ECE1: variants seen among roughly 807,000 people sequenced by gnomAD.
The protein encoded by ECE1 is endothelin converting enzyme 1.
ECE1 carries 35 observed loss-of-function variants against 98.6 expected under a neutral mutation model. The ratio of observed to expected loss-of-function variants is 0.35; its 90% CI spans 0.27 to 0.47. ECE1 has a LOEUF of 0.47. Ranked by LOEUF, ECE1 falls within the 20% of genes least tolerant of loss-of-function variation. The probability of loss-of-function intolerance (pLI) is 1.00; values close to 1 mark genes in which losing one functional copy is unlikely to be tolerated. For synonymous variants in ECE1, 394 were observed against 407.1 expected (o/e 0.97, Z 0.39); for missense variants, 814 against 1,025.3 (o/e 0.79, Z 2.81).
Position 21,290,376 on chromosome 1 carries a change from C to CAT in ECE1, c.38_39insAT (p.Ser14CysfsTer35). ...GCGCCCGCCTCACCCCCAGCGCCGA[C>CAT]AGCAGGGCGGACACCGGGGGCGGCC... On this transcript the variant is annotated frameshift_variant, in exon 1 of 19. Coordinates refer to ENST00000374893, the MANE Select transcript of ECE1 (RefSeq NM_001397.3). LOFTEE classifies it high-confidence loss of function. This position sits in a 1 kb window ranked among gnomAD's most constrained non-coding sequence, Gnocchi z 7.3. The CAT allele has an allele frequency of 3.2e-6, 4 of 1,235,440 alleles. No homozygotes were observed. The South Asian group carries it at 1.5e-4, about 48-fold the overall frequency. The allele number at this position is 1,235,440 out of a possible 1,614,324, so 76.5% of individuals were successfully genotyped here. A position where few individuals can be genotyped will look rare whatever the true frequency, so the allele number is the denominator to read the frequency against.
At position 21,236,854 on chromosome 1, in the gene ECE1, T is replaced by TA. The variant is rs1389427250; in HGVS notation, c.1390-11dup. ...GGATGATCTCGGTGGCCTGAGGAGA[T>TA]ACACATCACAGCAGTAAGGTCTGCG... On this transcript the variant is annotated splice_polypyrimidine_tract_variant and intron_variant, in intron 11 of 18. Transcript: ENST00000374893. 6.2e-7 allele frequency: 1 copy of TA among 1,610,476 alleles called. No individual in the cohort carries two copies. The highest frequency in any genetic ancestry group is 8.5e-7 in the Non-Finnish European group (1 of 1,178,510).
At chr1:21,224,358 C>T (rs2098171109) in intron 17 of ECE1, among the ~76,000 whole-genome samples, 1 of 152,188 alleles carries the variant, frequency 6.6e-6, no homozygotes, top group Admixed American at 6.6e-5. Flanking sequence ...TCTTCCCCTT[C>T]CAGCCTCCAC....
At chr1:21,239,391 T>C (rs934845993) in intron 10 of ECE1, among the ~76,000 whole-genome samples, 4 of 152,200 alleles carry the variant, frequency 2.6e-5, no homozygotes, top group Admixed American at 6.5e-5. Context: ...GATGTCCTCT[T>C]AACCCCAAAG....
At chr1:21,250,948 A>G (rs1013306422) in intron 8 of ECE1, among the ~76,000 whole-genome samples, 5 of 151,386 alleles carry the variant, frequency 3.3e-5, no homozygotes, top group Non-Finnish European at 7.4e-5. Context: ...CAGAGCTTGC[A>G]GTGAGCGGGG....
intron 2 of ECE1, among the ~76,000 whole-genome samples, chr1:21,283,829 G>A (rs2098257710): frequency 6.6e-6 from 1 of 152,192 alleles, no homozygotes; most frequent in African/African-American, 2.4e-5. Context: ...CATAGTTCCA[G>A]GCAAGAATGG....
chr1:21,272,230 G>A (rs992856181), intron 4 of ECE1, among the ~76,000 whole-genome samples: 1 of 152,110 alleles, frequency 6.6e-6, no homozygotes, highest in Non-Finnish European at 1.5e-5. Flanking sequence ...AATGAGTGAG[G>A]GCAGACATTC....
At chr1:21,262,416 G>A (rs950160026) in intron 4 of ECE1, among the ~76,000 whole-genome samples, 1 of 152,172 alleles carries the variant, frequency 6.6e-6, no homozygotes, top group African/African-American at 2.4e-5. Context: ...CAGGGGCCTC[G>A]TTCCTATGGC....
intron 7 of ECE1, among the ~76,000 whole-genome samples, chr1:21,257,264 G>A (rs1262773866): frequency 6.6e-6 from 1 of 152,212 alleles, no homozygotes; most frequent in African/African-American, 2.4e-5. Flanking sequence ...GGCGAATTGT[G>A]GTAGCTGTTA....
intron 1 of ECE1, chr1:21,344,991 G>C (rs963938894): frequency 6.1e-6 from 1 of 164,128 alleles, no homozygotes; most frequent in African/African-American, 2.4e-5. Flanking sequence ...CGAAATCGCC[G>C]CCACCCGCGA....
At chr1:21,296,205 G>A (rs1558420452) in intron 1 of ECE1, among the ~76,000 whole-genome samples, 1 of 152,072 alleles carries the variant, frequency 6.6e-6, no homozygotes, top group Admixed American at 6.6e-5. Context: ...AGTCAAATAC[G>A]AGTTATTAAT....
At chr1:21,333,534 G>C (rs1273612313) in intron 1 of ECE1, among the ~76,000 whole-genome samples, 1 of 152,202 alleles carries the variant, frequency 6.6e-6, no homozygotes, top group African/African-American at 2.4e-5. Context: ...CAGGAGGTTA[G>C]GATGACAGAG....
intron 4 of ECE1, among the ~76,000 whole-genome samples, chr1:21,267,765 T>C (rs1296944740): frequency 6.6e-6 from 1 of 152,248 alleles, no homozygotes; most frequent in African/African-American, 2.4e-5. Flanking sequence ...ATGATGCAGA[T>C]GCTGTCCATA....
intron 1 of ECE1, among the ~76,000 whole-genome samples, chr1:21,332,707 T>TGAGG (rs1257097505): frequency 0.066 from 497 of 7,476 alleles, 30 homozygotes; most frequent in Non-Finnish European, 0.07. Flanking sequence ...GGAGAGGAGG[T>TGAGG]GAGGGAGGGG....
chr1:21,266,018 G>A (rs2098233400), intron 4 of ECE1: 1 of 152,260 alleles, frequency 6.6e-6, no homozygotes, highest in African/African-American at 2.4e-5. Flanking sequence ...AAGTCCCAGA[G>A]AGGAAGACAG....
In ECE1 at chr1:21,322,648, A is replaced by C. The variant is rs1481530326; in HGVS notation, c.3+22728T>G. On this transcript the variant is annotated intron_variant, in intron 1 of 18. Transcript: ENST00000415912. The surrounding 1 kb of genome is among the most constrained non-coding windows in gnomAD (Gnocchi z 4.1). ...CACTGTTTGGCCCTGAGGGGTTGGA[A>C]GTTGATCTAACCACCTAGCTGGGGA... Among the ~76,000 whole-genome samples, 2 of 152,132 alleles carry C rather than the reference A, an allele frequency of 1.3e-5. No individual in the cohort carries two copies. The highest frequency in any genetic ancestry group is 2.9e-5 in the Non-Finnish European group (2 of 68,002).
Position 21,339,797 on chromosome 1 carries a change from A to AAAGGGGCCCT in ECE1, c.3+5569_3+5578dup, listed in dbSNP as rs574363138. Among the ~76,000 whole-genome samples, 539 of 152,244 alleles carry AAAGGGGCCCT rather than the reference A, an allele frequency of 3.5e-3. 2 individuals carry two copies. The highest frequency in any genetic ancestry group is 0.012 in the African/African-American group (513 of 41,540). On this transcript the variant is annotated intron_variant, in intron 1 of 18. Transcript: ENST00000415912. ...GTTTACACCTCCCCCCAGGAAGTCCAAAGGGGCCCTGTTGGGAGGAGGGAG... is the reference window on the plus strand; with the variant it reads ...GTTTACACCTCCCCCCAGGAAGTCCAAAGGGGCCCTAAGGGGCCCTGTTGGGAGGAGGGAG...
In ECE1 at chr1:21,290,053, G is replaced by C; in HGVS notation, c.138+17C>G. ...CCCGGGGCGCCTGGACCTCGGGAGG[G>C]AGCGGAGGGCGCCTACCTGCAGGCC... On this transcript the variant is annotated intron_variant, in intron 2 of 18. Coordinates refer to ENST00000374893, the MANE Select transcript of ECE1 (RefSeq NM_001397.3). This position sits in a 1 kb window ranked among gnomAD's most constrained non-coding sequence, Gnocchi z 7.3. 1 of 1,452,704 alleles carries C rather than the reference G, an allele frequency of 6.9e-7. No homozygotes were observed. The highest frequency in any genetic ancestry group is 1.4e-5 in the African/African-American group (1 of 68,974). 90.0% of individuals were successfully genotyped at this position (1,452,704 alleles called of 1,614,324 possible).
At position 21,331,798 on chromosome 1, in the gene ECE1, T is replaced by G. The variant is rs145146506; in HGVS notation, c.3+13578A>C. Among the ~76,000 whole-genome samples the G allele has an allele frequency of 1.6e-3, 241 of 152,282 alleles. 3 individuals carry two copies. In the East Asian group the frequency reaches 0.042, roughly 27 times the overall value. On this transcript the variant is annotated intron_variant, in intron 1 of 18. Transcript: ENST00000415912. Reference sequence around the variant, plus strand: ...TTATAACATAAAATATTTAGTGCTGTACCTGGCACACAGCAAACACTCAAG... The same window carrying G: ...TTATAACATAAAATATTTAGTGCTGGACCTGGCACACAGCAAACACTCAAG...
At chr1:21,343,389 T>A (rs1379983302) in intron 1 of ECE1, among the ~76,000 whole-genome samples, 1 of 152,068 alleles carries the variant, frequency 6.6e-6, no homozygotes. Flanking sequence ...GACCAGCAAA[T>A]AGGTGGCCTC....
Sources: allele counts gnomAD v4.1 joint callset (sites outside exome capture counted in the v4.1 genomes callset), GRCh38; gene constraint gnomAD v4.1.1; non-coding constraint Gnocchi (gnomAD v3.1); transcripts MANE v1.5; gene names NCBI Gene and HGNC (gene_info 2026-07-23, HGNC 2026-07-21).